KIAA0825: variants seen among roughly 807,000 people sequenced by gnomAD.
KIAA0825 encodes the protein KIAA0825.
In KIAA0825, 119 loss-of-function variants were observed where a neutral mutation model predicts 147.6. The ratio of observed to expected loss-of-function variants is 0.81; its 90% CI spans 0.69 to 0.94. The LOEUF is 0.94. Among genes scored for constraint, KIAA0825 ranks in the 40% least tolerant of loss-of-function variants. The pLI, the probability that KIAA0825 is intolerant of heterozygous loss-of-function variation, is 0.00. For synonymous variants in KIAA0825, 470 were observed against 518.1 expected (o/e 0.91, Z 1.26); for missense variants, 1,381 against 1,472.7 (o/e 0.94, Z 1.02).
intron 2 of KIAA0825, among the ~76,000 whole-genome samples, chr5:94,537,967 AATG>A: frequency 6.6e-6 from 1 of 152,310 alleles, no homozygotes; most frequent in East Asian, 1.9e-4. Flanking sequence ...CTAAAAACTG[AATG>A]ATATGATACT....
At chr5:94,386,214 T>G in intron 19 of KIAA0825, 28 bp downstream of exon 19, 1 of 1,522,370 alleles carries the variant, frequency 6.6e-7, no homozygotes, top group Non-Finnish European at 8.8e-7. Flanking sequence ...ACCACACATT[T>G]AAATTAAATT....
At chr5:94,560,739 T>G (rs184663270) in intron 2 of KIAA0825, among the ~76,000 whole-genome samples, 85 of 152,360 alleles carry the variant, frequency 5.6e-4, no homozygotes, top group African/African-American at 1.8e-3. Context: ...TACCTCCGTC[T>G]GCAACCAGTG....
At chr5:94,611,688 G>A (rs1208256455) in intron 1 of KIAA0825, among the ~76,000 whole-genome samples, 3 of 147,212 alleles carry the variant, frequency 2.0e-5, no homozygotes, top group African/African-American at 7.4e-5. Flanking sequence ...CCTCATGCCT[G>A]TAATCCCAGC....
chr5:94,309,265 A>G (rs1176034455), intron 20 of KIAA0825, among the ~76,000 whole-genome samples: 3 of 151,514 alleles, frequency 2.0e-5, no homozygotes, highest in Non-Finnish European at 4.4e-5. Flanking sequence ...CACTTTCTCA[A>G]ATAACTGTAA....
intron 5 of KIAA0825, among the ~76,000 whole-genome samples, chr5:94,485,941 G>A (rs1763004607): frequency 6.6e-6 from 1 of 151,658 alleles, no homozygotes; most frequent in South Asian, 2.1e-4. Flanking sequence ...ACAACTTAAA[G>A]GTTGTTTTTT....
intron 13 of KIAA0825, among the ~76,000 whole-genome samples, chr5:94,447,486 T>C (rs1757877726): frequency 6.6e-6 from 1 of 152,110 alleles, no homozygotes; most frequent in Non-Finnish European, 1.5e-5. Flanking sequence ...TGGTATCATA[T>C]ACTGTGGTCA....
chr5:94,566,268 G>T (rs561705979), intron 2 of KIAA0825, among the ~76,000 whole-genome samples: 3 of 152,114 alleles, frequency 2.0e-5, no homozygotes, highest in African/African-American at 7.2e-5. Flanking sequence ...GAAACTGAAC[G>T]TGAGAAGGAG....
intron 20 of KIAA0825, among the ~76,000 whole-genome samples, chr5:94,361,096 G>A (rs147460096): frequency 3.3e-5 from 5 of 152,292 alleles, no homozygotes; most frequent in African/African-American, 7.2e-5. Context: ...GACATTCAGC[G>A]TAGAAAACAC....
At chr5:94,515,143 T>G (rs973398837) in intron 5 of KIAA0825, among the ~76,000 whole-genome samples, 1 of 152,212 alleles carries the variant, frequency 6.6e-6, no homozygotes, top group African/African-American at 2.4e-5. Flanking sequence ...TAACCAAAAT[T>G]TATTATATGT....
chr5:94,566,752 C>G (rs1413768518), intron 2 of KIAA0825, among the ~76,000 whole-genome samples: 1 of 151,900 alleles, frequency 6.6e-6, no homozygotes, highest in African/African-American at 2.4e-5. Context: ...TGAGAAAATA[C>G]TCTCTCTCAG....
At chr5:94,564,961 TCTTTTCTTTTTCTTC>T (rs1473151526) in intron 2 of KIAA0825, among the ~76,000 whole-genome samples, 20 of 149,662 alleles carry the variant, frequency 1.3e-4, no homozygotes, top group African/African-American at 4.7e-4. Flanking sequence ...TCTTTTCTTT[TCTTTTCTTTTTCTTC>T]TCTTCTCTTC....
chr5:94,429,145 T>C (rs1735839529), intron 14 of KIAA0825, among the ~76,000 whole-genome samples: 2 of 152,196 alleles, frequency 1.3e-5, no homozygotes, highest in African/African-American at 2.4e-5. Context: ...TGGATCTCAT[T>C]GAGTGTCCTT....
intron 20 of KIAA0825, among the ~76,000 whole-genome samples, chr5:94,220,977 ATTCATT>A (rs1348234018): frequency 6.6e-6 from 1 of 152,202 alleles, no homozygotes; most frequent in Non-Finnish European, 1.5e-5. Context: ...GTAACCACTG[ATTCATT>A]TTTGTGATGT....
At chr5:94,365,470 G>A (rs1365749447) in intron 20 of KIAA0825, among the ~76,000 whole-genome samples, 1 of 152,162 alleles carries the variant, frequency 6.6e-6, no homozygotes, top group Non-Finnish European at 1.5e-5. Flanking sequence ...TGATTTCTAT[G>A]TAAATCAAAA....
At chr5:94,319,294 A>C (rs1470933935) in intron 20 of KIAA0825, among the ~76,000 whole-genome samples, 2 of 151,724 alleles carry the variant, frequency 1.3e-5, no homozygotes, top group Non-Finnish European at 2.9e-5. Context: ...CCTCCTTCCA[A>C]CTTCTAAATG....
intron 5 of KIAA0825, among the ~76,000 whole-genome samples, chr5:94,512,540 T>C (rs149774664): frequency 4.9e-4 from 74 of 151,286 alleles, no homozygotes; most frequent in African/African-American, 1.3e-3. Flanking sequence ...GGCAAGAGGA[T>C]TGCTTGAGCC....
At chr5:94,534,237 A>G (rs893020548) in intron 3 of KIAA0825, among the ~76,000 whole-genome samples, 1 of 152,234 alleles carries the variant, frequency 6.6e-6, no homozygotes, top group Non-Finnish European at 1.5e-5. Flanking sequence ...TAAGTGTGGC[A>G]TAACTGATTC....
chr5:94,330,884 C>T (rs1219772636), intron 20 of KIAA0825, among the ~76,000 whole-genome samples: 3 of 152,022 alleles, frequency 2.0e-5, no homozygotes, highest in South Asian at 2.1e-4. Flanking sequence ...CCTGTAATCC[C>T]AGCACTTTGG....
chr5:94,201,835 G>A (rs570611799), intron 20 of KIAA0825, among the ~76,000 whole-genome samples: 17 of 152,264 alleles, frequency 1.1e-4, no homozygotes, highest in Non-Finnish European at 1.8e-4. Context: ...CAAATACAGC[G>A]TGGGCAAATC....
Sources: allele counts gnomAD v4.1 joint callset (sites outside exome capture counted in the v4.1 genomes callset), GRCh38; gene constraint gnomAD v4.1.1; transcripts MANE v1.5; gene names NCBI Gene and HGNC (gene_info 2026-07-23, HGNC 2026-07-21).